The following GPC4 variants were observed in gnomAD, a reference collection of about 807,000 sequenced individuals.
The protein encoded by GPC4 is glypican-4.
GPC4 carries 10 observed loss-of-function variants against 35.0 expected under a neutral mutation model. That is an observed-to-expected ratio of 0.29 (90% CI 0.18 to 0.48). The LOEUF is 0.48. Among genes scored for constraint, GPC4 ranks in the 20% least tolerant of loss-of-function variants. The pLI is 0.99. For synonymous variants in GPC4, 167 were observed against 170.2 expected (o/e 0.98, Z 0.15); for missense variants, 322 against 451.3 (o/e 0.71, Z 2.60).
rs1052745627 is a variant in GPC4 at position 133,414,617 on chromosome X, C to G, written c.160+189G>C. 9.2e-4 allele frequency: 695 copies of G among 752,708 alleles called. 1 individual carries two copies. Among genetic ancestry groups the G allele is most frequent in the Non-Finnish European group, 1.0e-3 (655 of 638,993 alleles). The allele number at this position is 752,708 out of a possible 1,213,427, so 62.0% of individuals were successfully genotyped here. On this transcript the variant is annotated intron_variant, in intron 1 of 8. Coordinates refer to ENST00000370828, the MANE Select transcript of GPC4 (RefSeq NM_001448.3). ...GCTGGGAAGGGGGGAGCGCTGCGCCCGCGGGGAACGTCCTGCGCCCGGGCT... is the reference window on the plus strand; with the variant it reads ...GCTGGGAAGGGGGGAGCGCTGCGCCGGCGGGGAACGTCCTGCGCCCGGGCT...
chrX:133,411,173 T>C (rs1316858776), intron 1 of GPC4, among the ~76,000 whole-genome samples: 3 of 112,326 alleles, frequency 2.7e-5, no homozygotes, highest in African/African-American at 9.7e-5. Flanking sequence ...TATGTGTGTG[T>C]GAGCACATGA....
At chrX:133,375,614 CAT>C (rs1156350800) in intron 1 of GPC4, among the ~76,000 whole-genome samples, 1 of 111,876 alleles carries the variant, frequency 8.9e-6, no homozygotes, top group Non-Finnish European at 1.9e-5. Context: ...TTGGGAATAC[CAT>C]AGTCTCTGGC....
At chrX:133,319,828 CT>C (rs2068356223) in intron 3 of GPC4, among the ~76,000 whole-genome samples, 1 of 111,578 alleles carries the variant, frequency 9.0e-6, no homozygotes, top group Non-Finnish European at 1.9e-5. Context: ...TCCAATACCA[CT>C]GTATCTCAAA....
chrX:133,346,534 A>T (rs1352976048), intron 1 of GPC4, among the ~76,000 whole-genome samples: 2 of 111,509 alleles, frequency 1.8e-5, no homozygotes, highest in Non-Finnish European at 3.8e-5. Context: ...CATGATGAGG[A>T]AATATAATGT....
chrX:133,407,519 G>GC (rs1211778256), intron 1 of GPC4, among the ~76,000 whole-genome samples: 1 of 111,694 alleles, frequency 9.0e-6, no homozygotes, highest in Non-Finnish European at 1.9e-5. Flanking sequence ...GTATCCTCAT[G>GC]CTTTTTTTTC....
intron 3 of GPC4, among the ~76,000 whole-genome samples, chrX:133,315,449 T>A (rs2068333901): frequency 9.1e-6 from 1 of 110,468 alleles, no homozygotes; most frequent in African/African-American, 3.3e-5. Flanking sequence ...TAGGGGCAAA[T>A]CTCTCACCCT....
intron 1 of GPC4, among the ~76,000 whole-genome samples, chrX:133,360,040 G>A (rs2068560150): frequency 9.0e-6 from 1 of 110,693 alleles, no homozygotes; most frequent in South Asian, 3.9e-4. Context: ...TATGCTGGGG[G>A]GGGAGAGAAA....
At chrX:133,362,731 T>C (rs1334408708) in intron 1 of GPC4, among the ~76,000 whole-genome samples, 2 of 112,148 alleles carry the variant, frequency 1.8e-5, no homozygotes, top group Admixed American at 9.4e-5. Context: ...CAGCCCTGTG[T>C]GATGGCTCAC....
At chrX:133,394,703 A>T (rs1057439069) in intron 1 of GPC4, among the ~76,000 whole-genome samples, 2 of 111,473 alleles carry the variant, frequency 1.8e-5, no homozygotes, top group African/African-American at 6.5e-5. Context: ...TCAGAGACTA[A>T]GAGATATGAA....
intron 1 of GPC4, among the ~76,000 whole-genome samples, chrX:133,366,095 A>G (rs1298971211): frequency 8.9e-6 from 1 of 112,092 alleles, no homozygotes; most frequent in East Asian, 2.8e-4. Flanking sequence ...AGTCCTTATC[A>G]GCTTCATGGA....
intron 2 of GPC4, among the ~76,000 whole-genome samples, chrX:133,330,491 C>T (rs181389892): frequency 3.1e-4 from 35 of 111,367 alleles, no homozygotes; most frequent in Admixed American, 2.9e-3. Context: ...TCCTGTTTTG[C>T]TTTTTTGATA....
chrX:133,375,206 G>A (rs2068628339), intron 1 of GPC4, among the ~76,000 whole-genome samples: 1 of 111,980 alleles, frequency 8.9e-6, no homozygotes, highest in African/African-American at 3.2e-5. Context: ...CTCCTGGTAT[G>A]TGTATATGTA....
At chrX:133,348,677 G>C (rs2068503836) in intron 1 of GPC4, among the ~76,000 whole-genome samples, 1 of 112,349 alleles carries the variant, frequency 8.9e-6, no homozygotes, top group Non-Finnish European at 1.9e-5. Flanking sequence ...AGAAGGCCTA[G>C]GGATAAATAA....
intron 3 of GPC4, among the ~76,000 whole-genome samples, chrX:133,320,624 CAAAAAAA>C (rs11329655): frequency 2.9e-4 from 11 of 37,746 alleles, no homozygotes; most frequent in Middle Eastern, 0.017. Context: ...AACTCTGTCT[CAAAAAAA>C]AAAAAAAAAA....
intron 1 of GPC4, among the ~76,000 whole-genome samples, chrX:133,344,414 G>A (rs1204712510): frequency 1.9e-5 from 2 of 106,517 alleles, no homozygotes; most frequent in Non-Finnish European, 3.9e-5. Flanking sequence ...TAGTAGAGAC[G>A]GGGTTTCTCC....
chrX:133,389,899 C>T (rs1316009915), intron 1 of GPC4, among the ~76,000 whole-genome samples: 1 of 111,708 alleles, frequency 9.0e-6, no homozygotes, highest in Non-Finnish European at 1.9e-5. Flanking sequence ...AGTAAGACGA[C>T]TTATCTGAAT....
chrX:133,320,943 G>C (rs1327385357), intron 3 of GPC4, among the ~76,000 whole-genome samples: 1 of 111,511 alleles, frequency 9.0e-6, no homozygotes, highest in Non-Finnish European at 1.9e-5. Context: ...TCGGGAGGCT[G>C]AGGCAGGAGG....
intron 1 of GPC4, among the ~76,000 whole-genome samples, chrX:133,355,696 A>G (rs1002384166): frequency 9.0e-6 from 1 of 110,825 alleles, no homozygotes; most frequent in Non-Finnish European, 1.9e-5. Flanking sequence ...TTGAAAAGTG[A>G]CTCCCAGTGT....
chrX:133,319,993 C>T (rs2068356892), intron 3 of GPC4, among the ~76,000 whole-genome samples: 1 of 111,368 alleles, frequency 9.0e-6, no homozygotes, highest in African/African-American at 3.3e-5. Context: ...TGACTTGATG[C>T]CTATATGCTT....
Sources: allele counts gnomAD v4.1 joint callset (sites outside exome capture counted in the v4.1 genomes callset), GRCh38; gene constraint gnomAD v4.1.1; transcripts MANE v1.5; gene names NCBI Gene and HGNC (gene_info 2026-07-23, HGNC 2026-07-21).